HEMK2: variants seen among roughly 807,000 people sequenced by gnomAD.
HEMK2 encodes the protein methyltransferase HEMK2.
chr21:28,865,446 C>A, the HEMK2 span, among the ~76,000 whole-genome samples: 1 of 152,204 alleles, frequency 6.6e-6, no homozygotes, highest in Non-Finnish European at 1.5e-5. Context: ...GGATTACAGG[C>A]GTGAGCCACC....
At chr21:28,611,244 G>C in the HEMK2 span, among the ~76,000 whole-genome samples, 3 of 152,102 alleles carry the variant, frequency 2.0e-5, no homozygotes, top group Admixed American at 1.3e-4. Context: ...AACTCCAAAA[G>C]GAACTCTCAA....
At chr21:28,607,285 C>T in the HEMK2 span, among the ~76,000 whole-genome samples, 1 of 152,042 alleles carries the variant, frequency 6.6e-6, no homozygotes, top group African/African-American at 2.4e-5. Context: ...GTGGCATGCA[C>T]CTGTAGTCCC....
chr21:28,756,401 T>G, the HEMK2 span, among the ~76,000 whole-genome samples: 2 of 152,160 alleles, frequency 1.3e-5, no homozygotes, highest in Non-Finnish European at 2.9e-5. Flanking sequence ...AGGCGGCCTT[T>G]TTTCACACTT....
chr21:28,766,852 GA>G, the HEMK2 span, among the ~76,000 whole-genome samples: 1 of 152,214 alleles, frequency 6.6e-6, no homozygotes, highest in East Asian at 1.9e-4. Context: ...TCAGGGATGA[GA>G]AGGTTGGGAG....
the HEMK2 span, among the ~76,000 whole-genome samples, chr21:28,723,010 T>TAA: frequency 2.1e-5 from 3 of 143,204 alleles, no homozygotes; most frequent in East Asian, 2.0e-4. Flanking sequence ...TTTCTTTTAT[T>TAA]AAAAAAAAAA....
the HEMK2 span, among the ~76,000 whole-genome samples, chr21:28,594,249 G>C: frequency 6.6e-6 from 1 of 152,128 alleles, no homozygotes; most frequent in African/African-American, 2.4e-5. Context: ...CAGACATGAG[G>C]ACAAAACTTA....
chr21:28,644,836 G>A, the HEMK2 span, among the ~76,000 whole-genome samples: 1 of 152,122 alleles, frequency 6.6e-6, no homozygotes, highest in Non-Finnish European at 1.5e-5. Context: ...TTGTTTCTCA[G>A]AAATGTACAA....
At chr21:28,821,189 G>A in the HEMK2 span, among the ~76,000 whole-genome samples, 4,023 of 151,820 alleles carry the variant, frequency 0.026, 181 homozygotes, top group African/African-American at 0.092. Context: ...ACCATCACCC[G>A]ACCCCGGCCC....
the HEMK2 span, chr21:28,872,988 A>C: frequency 6.6e-6 from 1 of 152,342 alleles, no homozygotes; most frequent in Non-Finnish European, 1.5e-5. Flanking sequence ...GGCCTATTCA[A>C]GTTGACATAT....
At chr21:28,870,547 G>A in the HEMK2 span, among the ~76,000 whole-genome samples, 1 of 152,068 alleles carries the variant, frequency 6.6e-6, no homozygotes, top group Non-Finnish European at 1.5e-5. Context: ...GATTACAGGT[G>A]CATACCACCA....
chr21:28,885,356 T>C, the HEMK2 span: 14 of 1,539,038 alleles, frequency 9.1e-6, no homozygotes, highest in Non-Finnish European at 1.2e-5. Context: ...AGTCCTTCGC[T>C]GCGTTCCATG....
At chr21:28,772,397 C>T in the HEMK2 span, among the ~76,000 whole-genome samples, 3 of 152,230 alleles carry the variant, frequency 2.0e-5, no homozygotes, top group African/African-American at 7.2e-5. Flanking sequence ...TATTGCCTGG[C>T]TGGTCTCTGG....
the HEMK2 span, among the ~76,000 whole-genome samples, chr21:28,644,193 G>A: frequency 1.3e-5 from 2 of 152,192 alleles, no homozygotes; most frequent in South Asian, 2.1e-4. Flanking sequence ...GGTGGAAGGC[G>A]AAGGGGAAGC....
the HEMK2 span, among the ~76,000 whole-genome samples, chr21:28,738,838 A>G: frequency 6.6e-6 from 1 of 152,240 alleles, no homozygotes; most frequent in Non-Finnish European, 1.5e-5. Context: ...ACTTCAGCAC[A>G]TGCACTTCTG....
chr21:28,635,989 C>A, the HEMK2 span, among the ~76,000 whole-genome samples: 1 of 152,174 alleles, frequency 6.6e-6, no homozygotes, highest in East Asian at 1.9e-4. Flanking sequence ...CATGCATAGA[C>A]CACCCCGTTG....
the HEMK2 span, among the ~76,000 whole-genome samples, chr21:28,753,493 CT>C: frequency 6.6e-6 from 1 of 152,166 alleles, no homozygotes. Context: ...GAGTTCACCC[CT>C]AACTCCCAGG....
the HEMK2 span, among the ~76,000 whole-genome samples, chr21:28,669,027 G>A: frequency 6.6e-6 from 1 of 152,242 alleles, no homozygotes; most frequent in South Asian, 2.1e-4. Flanking sequence ...CAGGGAAGAA[G>A]GGAAGATGAC....
At chr21:28,657,743 C>A in the HEMK2 span, among the ~76,000 whole-genome samples, 1 of 152,006 alleles carries the variant, frequency 6.6e-6, no homozygotes, top group Non-Finnish European at 1.5e-5. Context: ...AAGCAGCCAG[C>A]AACCCAAACC....
At chr21:28,812,970 T>C in the HEMK2 span, among the ~76,000 whole-genome samples, 5 of 152,206 alleles carry the variant, frequency 3.3e-5, no homozygotes, top group African/African-American at 7.2e-5. Context: ...TTCTGGGGGA[T>C]CAGTGGTGAT....
Sources: allele counts gnomAD v4.1 joint callset (sites outside exome capture counted in the v4.1 genomes callset), GRCh38; gene constraint gnomAD v4.1.1; transcripts MANE v1.5; gene names NCBI Gene and HGNC (gene_info 2026-07-23, HGNC 2026-07-21).